GLDC: variants seen among roughly 807,000 people sequenced by gnomAD.
GLDC encodes the protein glycine dehydrogenase (decarboxylating), mitochondrial.
GLDC carries 104 observed loss-of-function variants against 121.3 expected under a neutral mutation model. That is an observed-to-expected ratio of 0.86 (90% confidence interval 0.73 to 1.01). The LOEUF (loss-of-function observed/expected upper bound fraction) is 1.01, where lower values mean the gene tolerates loss of function less well. Among genes scored for constraint, GLDC ranks in the 50% least tolerant of loss-of-function variants. The pLI is 0.00. For missense variants in GLDC, 1,429 were observed against 1,306.6 expected (o/e 1.09, Z -1.44); for synonymous variants, 546 against 480.6 (o/e 1.14, Z -1.78).
intron 21 of GLDC, 51 bp downstream of exon 21, chr9:6,550,752 G>A: frequency 8.5e-7 from 1 of 1,182,978 alleles, no homozygotes; most frequent in Non-Finnish European, 1.3e-6. Context: ...GTCAAACTTA[G>A]TTTGGCCAAG....
chr9:6,586,852 T>C (rs1199815051), intron 15 of GLDC, among the ~76,000 whole-genome samples: 1 of 152,132 alleles, frequency 6.6e-6, no homozygotes, highest in African/African-American at 2.4e-5. Context: ...AACCCCGACA[T>C]TGTGCTGTAA....
intron 2 of GLDC, among the ~76,000 whole-genome samples, chr9:6,627,218 C>T (rs1819262032): frequency 6.7e-6 from 1 of 150,018 alleles, no homozygotes; most frequent in South Asian, 2.1e-4. Flanking sequence ...ATGGCGTGAA[C>T]CCAGGAGGCA....
intron 22 of GLDC, among the ~76,000 whole-genome samples, chr9:6,539,627 ATT>A (rs1352159927): frequency 6.6e-6 from 1 of 152,186 alleles, no homozygotes; most frequent in East Asian, 1.9e-4. Flanking sequence ...AGAAAGTTGC[ATT>A]TTCTTTGTGA....
At chr9:6,544,653 A>T (rs1817348944) in intron 21 of GLDC, among the ~76,000 whole-genome samples, 1 of 151,868 alleles carries the variant, frequency 6.6e-6, no homozygotes, top group Non-Finnish European at 1.5e-5. Context: ...AAAAAAAAAA[A>T]AAAAATGGAT....
intron 2 of GLDC, among the ~76,000 whole-genome samples, chr9:6,629,268 G>A (rs1819311552): frequency 6.7e-6 from 1 of 150,226 alleles, no homozygotes; most frequent in Non-Finnish European, 1.5e-5. Context: ...AGGTTGGAGT[G>A]CAATGGTGCG....
chr9:6,547,508 T>C (rs1359606379), intron 21 of GLDC, among the ~76,000 whole-genome samples: 3 of 152,346 alleles, frequency 2.0e-5, no homozygotes, highest in South Asian at 2.1e-4. Flanking sequence ...CACTCTCATA[T>C]GTTATCACTG....
chr9:6,641,426 A>T (rs996855166), intron 2 of GLDC, among the ~76,000 whole-genome samples: 1 of 152,210 alleles, frequency 6.6e-6, no homozygotes, highest in Non-Finnish European at 1.5e-5. Flanking sequence ...TGGATATTCC[A>T]GGTGAGTCAG....
intron 21 of GLDC, among the ~76,000 whole-genome samples, chr9:6,546,375 T>TC (rs1358300353): frequency 2.4e-4 from 37 of 151,192 alleles, no homozygotes; most frequent in Non-Finnish European, 1.5e-5. Flanking sequence ...CTTTTTTTTT[T>TC]TTTTTGGAAG....
chr9:6,554,617 C>T, intron 19 of GLDC, 52 bp downstream of exon 19: 2 of 1,237,670 alleles, frequency 1.6e-6, no homozygotes, highest in Non-Finnish European at 1.2e-6. Flanking sequence ...TTTAGGGCCA[C>T]TCCTTCATTC....
At chr9:6,571,240 C>G (rs979561015) in intron 15 of GLDC, among the ~76,000 whole-genome samples, 3 of 152,146 alleles carry the variant, frequency 2.0e-5, no homozygotes, top group African/African-American at 7.2e-5. Context: ...CAGTAGCCCC[C>G]TCTTATCTGC....
intron 8 of GLDC, among the ~76,000 whole-genome samples, 185 bp downstream of exon 8, chr9:6,601,924 C>G (rs765650725): frequency 6.6e-6 from 1 of 152,188 alleles, no homozygotes. Flanking sequence ...AGCCACCGTA[C>G]CCAGCCAATA....
chr9:6,639,690 G>GATATATATATATATATATATATATATTT (rs1819590490), intron 2 of GLDC: 1 of 121,088 alleles, frequency 8.3e-6, no homozygotes, highest in Non-Finnish European at 1.3e-5. Context: ...TATATATATG[G>GATATATATATATATATATATATATATTT]ACAAAACAGA....
chr9:6,545,118 A>G (rs1249893924), intron 21 of GLDC, among the ~76,000 whole-genome samples: 1 of 152,158 alleles, frequency 6.6e-6, no homozygotes. Context: ...GAAAAAAAAA[A>G]AAGTATCATC....
intron 16 of GLDC, among the ~76,000 whole-genome samples, chr9:6,564,482 C>A (rs893405392): frequency 2.0e-5 from 3 of 152,220 alleles, no homozygotes; most frequent in African/African-American, 7.2e-5. Context: ...CGGGCCACTA[C>A]CACTCCACCC....
intron 3 of GLDC, among the ~76,000 whole-genome samples, chr9:6,612,096 C>G (rs1818868362): frequency 6.6e-6 from 1 of 152,014 alleles, no homozygotes; most frequent in Non-Finnish European, 1.5e-5. Context: ...TTCCAGTTCA[C>G]CACCCACTTA....
intron 18 of GLDC, among the ~76,000 whole-genome samples, chr9:6,555,275 A>AG (rs1817600023): frequency 6.6e-6 from 1 of 152,174 alleles, no homozygotes; most frequent in African/African-American, 2.4e-5. Context: ...GAGAGAGGGA[A>AG]GGCAAGGCTC....
At chr9:6,583,568 C>T (rs1283723515) in intron 15 of GLDC, among the ~76,000 whole-genome samples, 3 of 152,034 alleles carry the variant, frequency 2.0e-5, no homozygotes, top group African/African-American at 4.8e-5. Context: ...CCCAGCTAAG[C>T]GGGAGGCTGA....
chr9:6,588,191 A>T (rs1205795677), intron 14 of GLDC, among the ~76,000 whole-genome samples: 1 of 152,218 alleles, frequency 6.6e-6, no homozygotes, highest in Non-Finnish European at 1.5e-5. Context: ...TTTATTAAAA[A>T]ATAATAAGTT....
intron 17 of GLDC, among the ~76,000 whole-genome samples, chr9:6,556,697 G>A (rs1425960422): frequency 6.6e-6 from 1 of 151,926 alleles, no homozygotes; most frequent in African/African-American, 2.4e-5. Flanking sequence ...GGAGGCTGAG[G>A]CAGGGACAAT....
Sources: allele counts gnomAD v4.1 joint callset (sites outside exome capture counted in the v4.1 genomes callset), GRCh38; gene constraint gnomAD v4.1.1; transcripts MANE v1.5; gene names NCBI Gene and HGNC (gene_info 2026-07-23, HGNC 2026-07-21).